Variants in KCND2 observed in about 807,000 individuals in gnomAD.
KCND2 encodes potassium voltage-gated channel subfamily D member 2.
KCND2 carries 16 observed loss-of-function variants against 54.4 expected under a neutral mutation model. That is an observed-to-expected ratio of 0.29 (90% CI 0.20 to 0.45). KCND2 has a LOEUF of 0.45. KCND2 is among the 20% of genes least tolerant of loss of function. KCND2 has a pLI of 1.00. For synonymous variants in KCND2, 317 were observed against 310.7 expected, an observed-to-expected ratio of 1.02 and a Z score of -0.21; for missense variants, 486 against 824.2, an observed-to-expected ratio of 0.59 and a Z score of 5.02.
chr7:120,663,273 T>C (rs1200716381), intron 1 of KCND2, among the ~76,000 whole-genome samples: 1 of 152,172 alleles, frequency 6.6e-6, no homozygotes, highest in Non-Finnish European at 1.5e-5. Flanking sequence ...ATAGATGAGA[T>C]TAGTTTATGA....
chr7:120,606,326 T>C (rs1200213251), intron 1 of KCND2, among the ~76,000 whole-genome samples: 1 of 152,194 alleles, frequency 6.6e-6, no homozygotes, highest in African/African-American at 2.4e-5. Context: ...TTTAAACATT[T>C]TCTGAGCCAT....
At chr7:120,449,337 A>AT in intron 1 of KCND2, among the ~76,000 whole-genome samples, 1 of 152,014 alleles carries the variant, frequency 6.6e-6, no homozygotes, top group East Asian at 1.9e-4. Context: ...TCAAAAAAAA[A>AT]AAAAAAATAT....
chr7:120,536,355 C>T (rs1260151671), intron 1 of KCND2, among the ~76,000 whole-genome samples: 1 of 151,956 alleles, frequency 6.6e-6, no homozygotes. Context: ...TGACTGATCA[C>T]GGTGGTGTTC....
chr7:120,479,595 T>G (rs1004886935), intron 1 of KCND2, among the ~76,000 whole-genome samples: 4 of 151,580 alleles, frequency 2.6e-5, no homozygotes, highest in Non-Finnish European at 5.9e-5. Context: ...ACCTTGATTT[T>G]GAAATGCTTT....
chr7:120,442,675 T>G (rs1801961094), intron 1 of KCND2, among the ~76,000 whole-genome samples: 2 of 152,050 alleles, frequency 1.3e-5, no homozygotes, highest in South Asian at 2.1e-4. Flanking sequence ...ATCTAAGAAG[T>G]CACACAAAAA....
At chr7:120,515,066 G>A (rs1469708445) in intron 1 of KCND2, among the ~76,000 whole-genome samples, 3 of 151,982 alleles carry the variant, frequency 2.0e-5, no homozygotes, top group Admixed American at 6.6e-5. Flanking sequence ...AGGTCCTCCA[G>A]CTTATACTTT....
intron 1 of KCND2, among the ~76,000 whole-genome samples, chr7:120,287,455 T>C (rs1304388722): frequency 6.6e-6 from 1 of 152,106 alleles, no homozygotes; most frequent in Non-Finnish European, 1.5e-5. Context: ...ATGTCAGCAT[T>C]TTCAATTCTC....
chr7:120,361,206 C>T lies in KCND2; in HGVS notation c.1115+85459C>T, dbSNP rs78707212. Among the ~76,000 whole-genome samples, 480 of 151,974 alleles carry T rather than the reference C, an allele frequency of 3.2e-3. 3 individuals carry two copies. The highest frequency in any genetic ancestry group is 0.011 in the African/African-American group (464 of 41,490). On this transcript the variant is annotated intron_variant, in intron 1 of 5. Transcript: ENST00000331113. ...TGTAAGCCAAGTGTGAAATGCCTAA[C>T]CTTAACCTTGAAAAAAAGGGGCTGC... is the stretch of plus-strand genomic sequence containing the variant.
At chr7:120,345,208 T>G (rs1202898031) in intron 1 of KCND2, among the ~76,000 whole-genome samples, 1 of 152,170 alleles carries the variant, frequency 6.6e-6, no homozygotes, top group Non-Finnish European at 1.5e-5. Context: ...GTGCCTAAAA[T>G]GTAGGATAAC....
intron 1 of KCND2, among the ~76,000 whole-genome samples, chr7:120,348,981 C>G (rs530043540): frequency 6.6e-6 from 1 of 152,026 alleles, no homozygotes; most frequent in African/African-American, 2.4e-5. Flanking sequence ...ATAATATTTT[C>G]TGAATATATG....
At chr7:120,342,499 G>C (rs1800255004) in intron 1 of KCND2, among the ~76,000 whole-genome samples, 1 of 152,114 alleles carries the variant, frequency 6.6e-6, no homozygotes, top group South Asian at 2.1e-4. Context: ...TGTTATTTCA[G>C]TGACTTGAGA....
chr7:120,298,061 C>T (rs1799535465), intron 1 of KCND2, among the ~76,000 whole-genome samples: 2 of 152,012 alleles, frequency 1.3e-5, no homozygotes, highest in South Asian at 4.1e-4. Flanking sequence ...TATTACTTAT[C>T]TTAATTTAAA....
rs1244557597 is a variant in KCND2 at position 120,732,951 on chromosome 7, T to A, written c.1164T>A (p.Ser388=). Residue 388 remains serine, a synonymous_variant, in exon 2 of 6, where the codon TCT becomes TCA. Coordinates refer to ENST00000331113, the MANE Select transcript of KCND2 (RefSeq NM_012281.3). The part of the protein sequence containing the change: ...PKTIAGKIFG[S]ICSLSGVLVI... ...CCATAGCAGGGAAGATTTTTGGTTC[T>A]ATCTGTTCGCTGAGTGGGGTCTTGG... 3.7e-6 allele frequency: 6 copies of A among 1,613,650 alleles called. No homozygotes were observed. Among genetic ancestry groups the A allele is most frequent in the African/African-American group, 2.7e-5 (2 of 74,890 alleles).
chr7:120,466,002 T>C (rs1052779134), intron 1 of KCND2, among the ~76,000 whole-genome samples: 8 of 152,158 alleles, frequency 5.3e-5, no homozygotes, highest in Non-Finnish European at 1.0e-4. Context: ...GTGGCAACAC[T>C]ATTGACATTT....
At chr7:120,494,780 A>T (rs1486375094) in intron 1 of KCND2, among the ~76,000 whole-genome samples, 1 of 152,184 alleles carries the variant, frequency 6.6e-6, no homozygotes, top group Non-Finnish European at 1.5e-5. Context: ...ATGCATCTTT[A>T]TGGAAAATGA....
chr7:120,639,289 C>T (rs1793342996), intron 1 of KCND2, among the ~76,000 whole-genome samples: 1 of 152,104 alleles, frequency 6.6e-6, no homozygotes, highest in East Asian at 1.9e-4. Flanking sequence ...TCAGGAGGTC[C>T]TCTTTTACTA....
chr7:120,553,006 C>T (rs1021576385), intron 1 of KCND2, among the ~76,000 whole-genome samples: 7 of 152,170 alleles, frequency 4.6e-5, no homozygotes, highest in African/African-American at 1.7e-4. Flanking sequence ...AGCTAATTAA[C>T]GTATCCATCA....
chr7:120,279,038 C>A (rs1484726139), intron 1 of KCND2, among the ~76,000 whole-genome samples: 1 of 151,764 alleles, frequency 6.6e-6, no homozygotes, highest in Non-Finnish European at 1.5e-5. Context: ...AGAAAAAGAA[C>A]CTGGAACTCC....
chr7:120,515,035 TA>T (rs75081454), intron 1 of KCND2, among the ~76,000 whole-genome samples: 10,059 of 152,120 alleles, frequency 0.066, 873 homozygotes, highest in East Asian at 0.45. Context: ...TCTTTCTTTG[TA>T]ATATTATTTA....
Sources: allele counts gnomAD v4.1 joint callset (sites outside exome capture counted in the v4.1 genomes callset), GRCh38; gene constraint gnomAD v4.1.1; transcripts MANE v1.5; gene names NCBI Gene and HGNC (gene_info 2026-07-23, HGNC 2026-07-21).